VGLL1: variants seen among roughly 807,000 people sequenced by gnomAD.
VGLL1 encodes the protein vestigial like family member 1.
VGLL1 carries 4 observed loss-of-function variants against 12.0 expected under a neutral mutation model. The observed-to-expected ratio is 0.33, with a 90% CI of 0.16 to 0.76. The LOEUF (loss-of-function observed/expected upper bound fraction) is 0.76, where lower values mean the gene tolerates loss of function less well. Among genes scored for constraint, VGLL1 ranks in the 30% least tolerant of loss-of-function variants. VGLL1 has a pLI of 0.60. For missense variants in VGLL1, 204 were observed against 208.7 expected (o/e 0.98, Z 0.14); for synonymous variants, 87 against 81.2 (o/e 1.07, Z -0.39).
intron 1 of VGLL1, among the ~76,000 whole-genome samples, chrX:136,534,436 A>G (rs1342051809): frequency 2.7e-5 from 3 of 112,709 alleles, no homozygotes; most frequent in Non-Finnish European, 5.6e-5. Context: ...TCTTTCACTC[A>G]ACATGTTTTT....
rs2071912 is a variant in VGLL1 at position 136,550,741 on chromosome X, C to T, written c.635-27C>T. On this transcript the variant is annotated intron_variant, in intron 3 of 4. Coordinates refer to ENST00000370634, the MANE Select transcript of VGLL1 (RefSeq NM_016267.4). ...AACCTAGTCCTAGAAATTTCAGTTC[C>T]AATAATGTTTTCTTCTTCTTTTCTA... 3.7e-3 allele frequency: 4,422 copies of T among 1,186,090 alleles called. 188 individuals carry two copies. In the East Asian group the frequency reaches 0.12, roughly 31 times the overall value.
intron 1 of VGLL1, among the ~76,000 whole-genome samples, chrX:136,532,571 ATATTTCTTTCTTTCTTTCTT>A (rs2075825376): frequency 1.1e-5 from 1 of 93,171 alleles, no homozygotes; most frequent in Non-Finnish European, 2.2e-5. Flanking sequence ...CTGTGCTCAA[ATATTTCTTTCTTTCTTTCTT>A]TCTTTCTTTC....
chrX:136,535,277 C>G (rs910208806), intron 1 of VGLL1, among the ~76,000 whole-genome samples: 8 of 112,330 alleles, frequency 7.1e-5, no homozygotes, highest in Admixed American at 1.9e-4. Flanking sequence ...TGCTGGGGAA[C>G]AGAGCTGACA....
chrX:136,537,894 T>C (rs1729953491), intron 2 of VGLL1, among the ~76,000 whole-genome samples: 1 of 110,571 alleles, frequency 9.0e-6, no homozygotes, highest in African/African-American at 3.3e-5. Flanking sequence ...ATTATTACTA[T>C]AGGCCTGATG....
chrX:136,551,075 C>A (rs1262574560), intron 4 of VGLL1: 3 of 299,339 alleles, frequency 1.0e-5, no homozygotes, highest in Non-Finnish European at 1.2e-5. Flanking sequence ...TCCTTAGTTT[C>A]TTTTTTCTTT....
intron 2 of VGLL1, 133 bp downstream of exon 2, chrX:136,536,367 GC>G: frequency 1.7e-6 from 1 of 585,775 alleles, no homozygotes; most frequent in Non-Finnish European, 2.7e-6. Flanking sequence ...CTAGTGAGAA[GC>G]CACACCCCTT....
chrX:136,532,994 C>A (rs369829957), intron 1 of VGLL1, among the ~76,000 whole-genome samples: 2 of 110,915 alleles, frequency 1.8e-5, no homozygotes, highest in African/African-American at 6.6e-5. Flanking sequence ...GCGAGACACA[C>A]CCCAGCAATT....
At chrX:136,550,522 T>C (rs1280527981) in intron 3 of VGLL1, 1 of 326,352 alleles carries the variant, frequency 3.1e-6, no homozygotes, top group Non-Finnish European at 5.2e-6. Context: ...GTTGTATTAA[T>C]TGGTGACTGG....
intron 2 of VGLL1, among the ~76,000 whole-genome samples, chrX:136,538,486 A>G (rs750152282): frequency 1.8e-5 from 2 of 112,498 alleles, no homozygotes; most frequent in Admixed American, 9.4e-5. Flanking sequence ...GTCACTCAAT[A>G]TGGCTCCCTT....
Position 136,543,268 on chromosome X carries a change from C to T in VGLL1, c.215-5321C>T, listed in dbSNP as rs780662713. On this transcript the variant is annotated intron_variant, in intron 2 of 4. Transcript: ENST00000370634. Reference sequence around the variant, plus strand: ...GTGCCCTGGAACAGCACAATCTCCTCTAAGCTCTCCCTCCATCCCCAGTGA... The same window carrying T: ...GTGCCCTGGAACAGCACAATCTCCTTTAAGCTCTCCCTCCATCCCCAGTGA... Among the ~76,000 whole-genome samples, 3 of 111,768 alleles carry T rather than the reference C, an allele frequency of 2.7e-5. No homozygotes were observed. The South Asian group carries it at 1.1e-3, about 42-fold the overall frequency.
In VGLL1 at chrX:136,532,269, G is replaced by A. The variant is rs1378670308; in HGVS notation, c.-53G>A. 8.9e-6 allele frequency: 1 copy of A among 112,015 alleles called. No homozygotes were observed. The highest frequency in any genetic ancestry group is 1.9e-5 in the Non-Finnish European group (1 of 53,212). The allele number at this position is 112,015 out of a possible 1,213,427, so 9.2% of individuals were successfully genotyped here. ...CTCTGGCCATCTTTTCCCAGCCACA[G>A]AATCAGGTGATGGTCCAGAATTAAG... On this transcript the variant is annotated 5_prime_UTR_variant, in exon 1 of 5. Coordinates refer to ENST00000370634, the MANE Select transcript of VGLL1 (RefSeq NM_016267.4).
At chrX:136,545,092 C>T (rs1412952670) in intron 2 of VGLL1, among the ~76,000 whole-genome samples, 1 of 112,400 alleles carries the variant, frequency 8.9e-6, no homozygotes, top group East Asian at 2.8e-4. Flanking sequence ...TGTGCTAAAC[C>T]TTTTACATGG....
At position 136,548,905 on chromosome X, in the gene VGLL1, C is replaced by T; in HGVS notation, c.531C>T (p.Cys177=). The change falls in exon 3 of 5, where the codon TGC becomes TGT. Residue 177 remains cysteine, a synonymous_variant. Transcript: ENST00000370634. ...TAAGTCTCCTCCAGCAAGACAGATGCCTAGCCCGTCCTCAGGAATCTGCCG... is the reference window on the plus strand; with the variant it reads ...TAAGTCTCCTCCAGCAAGACAGATGTCTAGCCCGTCCTCAGGAATCTGCCG... ...PLLSLLQQDR[C]LARPQESAAR... The T allele has an allele frequency of 8.3e-7, 1 of 1,212,069 alleles. No individual in the cohort carries two copies. Among genetic ancestry groups the T allele is most frequent in the Non-Finnish European group, 1.1e-6 (1 of 895,565 alleles).
intron 2 of VGLL1, among the ~76,000 whole-genome samples, chrX:136,541,008 G>T (rs2075854860): frequency 8.9e-6 from 1 of 112,281 alleles, no homozygotes; most frequent in South Asian, 3.7e-4. Flanking sequence ...ATGTCAAGTG[G>T]CACATAGTAA....
At chrX:136,535,783 G>A (rs941861141) in intron 1 of VGLL1, among the ~76,000 whole-genome samples, 1 of 111,497 alleles carries the variant, frequency 9.0e-6, no homozygotes, top group Non-Finnish European at 1.9e-5. Context: ...GCACTTCATG[G>A]AGATTTGTCA....
rs146520772 is a variant in VGLL1 at position 136,549,990 on chromosome X, T to G, written c.635-778T>G. Among the ~76,000 whole-genome samples, 712 of 112,257 alleles carry G rather than the reference T, an allele frequency of 6.3e-3. 1 individual carries two copies. Among genetic ancestry groups the G allele is most frequent in the Non-Finnish European group, 9.8e-3 (523 of 53,260 alleles). ...AAATTACTAGAAGCCATCTTTACACTGAACTAAGCATATAGTAAACAAAAG... is the reference window on the plus strand; with the variant it reads ...AAATTACTAGAAGCCATCTTTACACGGAACTAAGCATATAGTAAACAAAAG... On this transcript the variant is annotated intron_variant, in intron 3 of 4. Coordinates refer to ENST00000370634, the MANE Select transcript of VGLL1 (RefSeq NM_016267.4).
At chrX:136,545,166 C>T (rs762141078) in intron 2 of VGLL1, among the ~76,000 whole-genome samples, 7 of 112,074 alleles carry the variant, frequency 6.2e-5, no homozygotes, top group Non-Finnish European at 1.3e-4. Context: ...TGTCACATAG[C>T]TAGGAAGTGG....
intron 4 of VGLL1, among the ~76,000 whole-genome samples, chrX:136,552,300 G>A (rs1022990010): frequency 8.9e-6 from 1 of 111,994 alleles, no homozygotes; most frequent in African/African-American, 3.2e-5. Context: ...GCCTCCATGA[G>A]GAGATTCATT....
chrX:136,542,605 T>A (rs1433547561), intron 2 of VGLL1, among the ~76,000 whole-genome samples: 2 of 112,430 alleles, frequency 1.8e-5, no homozygotes, highest in Admixed American at 1.9e-4. Flanking sequence ...CATTTGTGCG[T>A]TTTTCTGCAT....
Sources: gnomAD v4.1 joint callset for allele counts (sites outside exome capture counted in the v4.1 genomes callset) on GRCh38, gnomAD v4.1.1 for gene constraint, MANE v1.5 for transcripts, NCBI Gene and HGNC (gene_info 2026-07-23, HGNC 2026-07-21) for gene names.